TANGO6: variants seen among roughly 807,000 people sequenced by gnomAD.
The protein encoded by TANGO6 is transport and golgi organization 6 homolog, also known as transport and Golgi organization protein 6 homolog.
A neutral mutation model predicts 114.2 loss-of-function variants in TANGO6; 90 were observed. The ratio of observed to expected loss-of-function variants is 0.79; its 90% CI spans 0.66 to 0.94. The LOEUF is 0.94. Among genes scored for constraint, TANGO6 ranks in the 40% least tolerant of loss-of-function variants. TANGO6 has a pLI of 0.00. For synonymous variants in TANGO6, 477 were observed against 509.8 expected, an observed-to-expected ratio of 0.94 and a Z score of 0.87; for missense variants, 1,274 against 1,315.3, an observed-to-expected ratio of 0.97 and a Z score of 0.49.
At chr16:68,845,338 GA>G (rs1457239208) in intron 1 of TANGO6, among the ~76,000 whole-genome samples, 2 of 152,086 alleles carry the variant, frequency 1.3e-5, no homozygotes, top group Non-Finnish European at 2.9e-5. Flanking sequence ...CATCTGTTAT[GA>G]AACATGTATA....
chr16:68,908,736 T>C (rs563569482), intron 10 of TANGO6, among the ~76,000 whole-genome samples: 15 of 152,294 alleles, frequency 9.8e-5, no homozygotes, highest in Admixed American at 3.3e-4. Context: ...AGGCATCTCA[T>C]GGTCTCCAAA....
At chr16:69,042,329 C>G (rs1348931381) in intron 17 of TANGO6, among the ~76,000 whole-genome samples, 1 of 151,774 alleles carries the variant, frequency 6.6e-6, no homozygotes, top group Non-Finnish European at 1.5e-5. Context: ...GGTGGATCAC[C>G]TGAGGTCGGG....
At chr16:68,957,808 AAAC>A (rs1457953305) in intron 14 of TANGO6, among the ~76,000 whole-genome samples, 3 of 152,202 alleles carry the variant, frequency 2.0e-5, no homozygotes, top group African/African-American at 7.2e-5. Context: ...AGGGAATGGG[AAAC>A]AACAATTATC....
chr16:68,974,271 G>T, intron 15 of TANGO6, 103 bp downstream of exon 15: 1 of 1,338,830 alleles, frequency 7.5e-7, no homozygotes. Flanking sequence ...GTGTGGTGAG[G>T]GTAGTTTGAG....
intron 15 of TANGO6, among the ~76,000 whole-genome samples, chr16:69,015,865 A>G (rs1429177908): frequency 6.6e-6 from 1 of 152,170 alleles, no homozygotes; most frequent in East Asian, 1.9e-4. Flanking sequence ...AGTTTTGTTA[A>G]TATAGTGATA....
chr16:68,931,600 A>G (rs1963240657), intron 14 of TANGO6, among the ~76,000 whole-genome samples: 1 of 152,240 alleles, frequency 6.6e-6, no homozygotes, highest in African/African-American at 2.4e-5. Flanking sequence ...ATGCCACAAT[A>G]TGGACGAACC....
intron 17 of TANGO6, among the ~76,000 whole-genome samples, chr16:69,049,752 T>C (rs1032923065): frequency 6.6e-6 from 1 of 151,982 alleles, no homozygotes; most frequent in Non-Finnish European, 1.5e-5. Flanking sequence ...TTTTTTTTCT[T>C]TTTTATAAAG....
chr16:69,056,922 C>T (rs1337557087), intron 17 of TANGO6, among the ~76,000 whole-genome samples: 9 of 151,814 alleles, frequency 5.9e-5, no homozygotes, highest in South Asian at 4.2e-4. Flanking sequence ...CCTCTTGATC[C>T]GCCTGCCCAG....
intron 15 of TANGO6, among the ~76,000 whole-genome samples, chr16:69,017,747 C>G (rs1959325616): frequency 6.6e-6 from 1 of 152,192 alleles, no homozygotes; most frequent in African/African-American, 2.4e-5. Context: ...AGGGGTCACT[C>G]TGCTGGTTGG....
intron 17 of TANGO6, among the ~76,000 whole-genome samples, chr16:69,075,308 T>C (rs1960358621): frequency 6.6e-6 from 1 of 152,118 alleles, no homozygotes; most frequent in Non-Finnish European, 1.5e-5. Flanking sequence ...CATTGTGCAA[T>C]GCCAATTCTA....
At chr16:68,956,832 G>A (rs890769713) in intron 14 of TANGO6, among the ~76,000 whole-genome samples, 1 of 152,208 alleles carries the variant, frequency 6.6e-6, no homozygotes, top group Admixed American at 6.5e-5. Flanking sequence ...CAGCCTGGGC[G>A]ACGGAGTAAG....
intron 15 of TANGO6, among the ~76,000 whole-genome samples, chr16:68,993,365 A>G (rs1164336452): frequency 6.6e-6 from 1 of 152,364 alleles, no homozygotes. Flanking sequence ...TTGGATTCTA[A>G]TTCAATATAT....
intron 16 of TANGO6, among the ~76,000 whole-genome samples, chr16:69,037,135 C>CA (rs1232986110): frequency 0.08 from 3,493 of 43,874 alleles, 102 homozygotes; most frequent in Non-Finnish European, 0.11. Flanking sequence ...GAGTCCATCT[C>CA]AAAAAAAAAA....
chr16:68,891,278 G>A (rs1189436989), intron 7 of TANGO6, among the ~76,000 whole-genome samples: 1 of 136,802 alleles, frequency 7.3e-6, no homozygotes, highest in Non-Finnish European at 1.5e-5. Flanking sequence ...GGTGACAAGA[G>A]CAAAACTCCA....
chr16:69,039,430 G>A (rs1959740433), intron 16 of TANGO6, among the ~76,000 whole-genome samples: 1 of 151,990 alleles, frequency 6.6e-6, no homozygotes, highest in Admixed American at 6.6e-5. Flanking sequence ...AAGCCCAGGG[G>A]TTCAAGACCA....
intron 15 of TANGO6, among the ~76,000 whole-genome samples, chr16:69,001,546 T>G (rs1414001544): frequency 6.6e-6 from 1 of 152,120 alleles, no homozygotes; most frequent in Admixed American, 6.5e-5. Context: ...GAAGATTCAG[T>G]AGTTGTAGGA....
In TANGO6 at chr16:68,864,045, A is replaced by G. The variant is rs371399980; in HGVS notation, c.852+984A>G. 6.9e-3 allele frequency among the ~76,000 whole-genome samples: 1,045 copies of G among 152,062 alleles called. 15 individuals are homozygous for G. The highest frequency in any genetic ancestry group is 0.024 in the African/African-American group (987 of 41,478). ...CAAAATTAGCCGGGCATGGTGACGC[A>G]TGCCTGTAATCCCAGCTACTCGGGA... On this transcript the variant is annotated intron_variant, in intron 3 of 17. Coordinates refer to ENST00000261778, the MANE Select transcript of TANGO6 (RefSeq NM_024562.2).
intron 17 of TANGO6, among the ~76,000 whole-genome samples, chr16:69,068,425 G>C (rs1339110543): frequency 6.6e-6 from 1 of 152,208 alleles, no homozygotes; most frequent in African/African-American, 2.4e-5. Flanking sequence ...CTAGCTGTGT[G>C]AACCTGGGCA....
intron 4 of TANGO6, among the ~76,000 whole-genome samples, chr16:68,869,763 T>C (rs1028898437): frequency 7.2e-5 from 11 of 152,192 alleles, no homozygotes; most frequent in African/African-American, 2.7e-4. Flanking sequence ...AACTGAGCCC[T>C]GAAGGCTGAG....
Sources: allele counts gnomAD v4.1 joint callset (sites outside exome capture counted in the v4.1 genomes callset), GRCh38; gene constraint gnomAD v4.1.1; transcripts MANE v1.5; gene names NCBI Gene and HGNC (gene_info 2026-07-23, HGNC 2026-07-21).